The following TTC28 variants were observed in gnomAD, a reference collection of about 807,000 sequenced individuals.
TTC28 encodes tetratricopeptide repeat protein 28.
In TTC28, 61 loss-of-function variants were observed where a neutral mutation model predicts 198.0. The observed-to-expected ratio is 0.31, with a 90% confidence interval of 0.25 to 0.38. The LOEUF is 0.38. Among genes scored for constraint, TTC28 ranks in the 10% least tolerant of loss-of-function variants. TTC28 has a pLI of 1.00. For synonymous variants in TTC28, 1,171 were observed against 1,297.8 expected, an observed-to-expected ratio of 0.90 and a Z score of 2.10; for missense variants, 2,678 against 3,164.0, an observed-to-expected ratio of 0.85 and a Z score of 3.69.
chr22:28,306,610 G>A lies in TTC28; in HGVS notation c.415C>T (p.Leu139Phe), dbSNP rs58841559. ...YFRQGVALQY[L>F]GRHADALAAF... The stretch of plus-strand genomic sequence containing the variant: ...GCCAGGGCATCGGCATGACGTCCAA[G>A]GTACTGGAGGGCAACACCCTGTCGG... Residue 139 changes from leucine to phenylalanine, a missense_variant, in exon 3 of 23, where the codon CTT becomes TTT. By Grantham distance (22) the Leu-to-Phe change is conservative. Coordinates refer to ENST00000397906, the MANE Select transcript of TTC28 (RefSeq NM_001145418.2). The A allele has an allele frequency of 1.3e-6, 2 of 1,551,514 alleles. No individual in the cohort carries two copies. Among genetic ancestry groups the A allele is most frequent in the Non-Finnish European group, 1.7e-6 (2 of 1,146,968 alleles).
chr22:27,992,740 G>T, intron 18 of TTC28, 77 bp from the exon 19 acceptor site: 1 of 1,408,338 alleles, frequency 7.1e-7, no homozygotes, highest in African/African-American at 1.4e-5. Context: ...CCAGGGGAAA[G>T]AACCCTAAAT....
intron 5 of TTC28, among the ~76,000 whole-genome samples, chr22:28,229,397 C>T (rs1440735526): frequency 1.3e-5 from 2 of 152,142 alleles, no homozygotes; most frequent in Non-Finnish European, 2.9e-5. Flanking sequence ...CAACAGCTAT[C>T]ATAATGAACT....
chr22:28,294,255 G>A (rs1432647223), intron 5 of TTC28, among the ~76,000 whole-genome samples: 1 of 152,042 alleles, frequency 6.6e-6, no homozygotes, highest in East Asian at 1.9e-4. Context: ...GAAGGAATGG[G>A]TACCAGTATT....
intron 2 of TTC28, among the ~76,000 whole-genome samples, chr22:28,481,054 C>T (rs1255869541): frequency 6.6e-6 from 1 of 152,142 alleles, no homozygotes. Flanking sequence ...AATTCCATAA[C>T]CCCATGCCTT....
At chr22:28,602,128 G>A (rs1349019760) in intron 2 of TTC28, among the ~76,000 whole-genome samples, 1 of 152,176 alleles carries the variant, frequency 6.6e-6, no homozygotes, top group Non-Finnish European at 1.5e-5. Flanking sequence ...CCAAAGGAAA[G>A]CACATGGAAT....
intron 14 of TTC28, among the ~76,000 whole-genome samples, chr22:28,004,813 A>G (rs1601508206): frequency 1.3e-5 from 2 of 152,256 alleles, no homozygotes; most frequent in South Asian, 4.1e-4. Context: ...TTATAATCCA[A>G]CGTGAACTTG....
chr22:28,541,894 A>G (rs2049420292), intron 2 of TTC28, among the ~76,000 whole-genome samples: 1 of 152,150 alleles, frequency 6.6e-6, no homozygotes, highest in Non-Finnish European at 1.5e-5. Context: ...CAGCCTGAGC[A>G]ATATAGCAAG....
intron 5 of TTC28, among the ~76,000 whole-genome samples, chr22:28,178,233 T>C (rs976098762): frequency 6.7e-6 from 1 of 149,858 alleles, no homozygotes; most frequent in African/African-American, 2.5e-5. Context: ...GGTGGACAGA[T>C]CACCTGAGGT....
rs1601619928 is a variant in TTC28, at chr22:28,101,160, G to T, written c.3417+11C>A. On this transcript the variant is annotated intron_variant, in intron 9 of 22. Coordinates refer to ENST00000397906, the MANE Select transcript of TTC28 (RefSeq NM_001145418.2). ...AACAAAAAATCCACTTCAGTCAGGG[G>T]TTCTGCTTACCTGGTGTTGGGCCTC... 1.3e-6 allele frequency: 2 copies of T among 1,541,872 alleles called. No homozygotes were observed. The highest frequency in any genetic ancestry group is 2.4e-5 in the East Asian group (1 of 40,872).
intron 1 of TTC28, among the ~76,000 whole-genome samples, chr22:28,670,559 C>A (rs1199871483): frequency 6.6e-6 from 1 of 152,022 alleles, no homozygotes; most frequent in East Asian, 1.9e-4. Flanking sequence ...TAATACTCCA[C>A]TGGAAAAAAA....
chr22:28,341,852 G>A (rs532331239), intron 2 of TTC28, among the ~76,000 whole-genome samples: 3 of 151,914 alleles, frequency 2.0e-5, no homozygotes, highest in East Asian at 3.9e-4. Context: ...GGAGGTGTAC[G>A]CCTGTAGATG....
intron 1 of TTC28, among the ~76,000 whole-genome samples, chr22:28,673,898 C>T (rs1370002605): frequency 6.6e-6 from 1 of 151,936 alleles, no homozygotes; most frequent in Admixed American, 6.6e-5. Context: ...TCAGGCTTCC[C>T]GCTAACAGTT....
intron 12 of TTC28, among the ~76,000 whole-genome samples, chr22:28,045,696 A>G (rs937161882): frequency 6.6e-6 from 1 of 152,128 alleles, no homozygotes; most frequent in Non-Finnish European, 1.5e-5. Flanking sequence ...AGGTGCAGTG[A>G]CTCATGCCTG....
rs540846474 is a variant in TTC28, at chr22:28,136,892, G to T, written c.1441+26200C>A. ...CCAGAAGTAGTAATATGTCTTTGCC[G>T]AGGAAGCTGGAAAACTTGGGAGTAC... On this transcript the variant is annotated intron_variant, in intron 6 of 22. Transcript: ENST00000397906. Among the ~76,000 whole-genome samples, 4 of 152,286 alleles carry T rather than the reference G, an allele frequency of 2.6e-5. No homozygotes were observed. In the South Asian group the frequency reaches 8.3e-4, roughly 32 times the overall value.
chr22:28,194,468 C>T (rs1925195225), intron 5 of TTC28, among the ~76,000 whole-genome samples: 1 of 151,918 alleles, frequency 6.6e-6, no homozygotes, highest in South Asian at 2.1e-4. Flanking sequence ...CATAAAAAAC[C>T]CTTCAAAAAA....
intron 5 of TTC28, among the ~76,000 whole-genome samples, chr22:28,179,088 T>A (rs1210672268): frequency 3.9e-5 from 6 of 152,018 alleles, no homozygotes; most frequent in Admixed American, 6.6e-5. Context: ...AAATACTGTA[T>A]AAAATAATGA....
intron 2 of TTC28, among the ~76,000 whole-genome samples, chr22:28,348,585 T>G (rs1364215057): frequency 6.6e-6 from 1 of 152,234 alleles, no homozygotes; most frequent in African/African-American, 2.4e-5. Context: ...TACTTCTCCA[T>G]GCCTTCAAAA....
chr22:28,170,878 C>G (rs931936642), intron 5 of TTC28, among the ~76,000 whole-genome samples: 3 of 152,098 alleles, frequency 2.0e-5, no homozygotes, highest in Admixed American at 6.5e-5. Flanking sequence ...TCACCCAGCT[C>G]TTCAACCATT....
chr22:28,219,626 C>T (rs1927695088), intron 5 of TTC28, among the ~76,000 whole-genome samples: 1 of 152,236 alleles, frequency 6.6e-6, no homozygotes, highest in Admixed American at 6.5e-5. Flanking sequence ...TTTTAACTCT[C>T]CCCTACGTAA....
Sources: gnomAD v4.1 joint callset for allele counts (sites outside exome capture counted in the v4.1 genomes callset) on GRCh38, gnomAD v4.1.1 for gene constraint, MANE v1.5 for transcripts, NCBI Gene and HGNC (gene_info 2026-07-23, HGNC 2026-07-21) for gene names.